TRPC4AP: variants seen among roughly 807,000 people sequenced by gnomAD.
The protein encoded by TRPC4AP is transient receptor potential cation channel subfamily C member 4 associated protein.
Under a neutral mutation model 99.0 loss-of-function variants are expected in TRPC4AP, and 45 were observed. That is an observed-to-expected ratio of 0.45 (90% CI 0.36 to 0.58). The LOEUF is 0.58. Among genes scored for constraint, TRPC4AP ranks in the 20% least tolerant of loss-of-function variants. The probability of loss-of-function intolerance (pLI) is 0.00; values close to 1 mark genes in which losing one functional copy is unlikely to be tolerated. For synonymous variants in TRPC4AP, 408 were observed against 385.8 expected (o/e 1.06, Z -0.67); for missense variants, 879 against 985.3 (o/e 0.89, Z 1.44).
At chr20:35,075,274 T>G (rs1269262224) in intron 2 of TRPC4AP, among the ~76,000 whole-genome samples, 1 of 152,220 alleles carries the variant, frequency 6.6e-6, no homozygotes, top group Non-Finnish European at 1.5e-5. Flanking sequence ...GTTAATTTTG[T>G]TATGTGTGAA....
chr20:35,023,673 G>T (rs1366844147), intron 8 of TRPC4AP, among the ~76,000 whole-genome samples: 1 of 152,216 alleles, frequency 6.6e-6, no homozygotes, highest in Non-Finnish European at 1.5e-5. Flanking sequence ...AAGTGAACCT[G>T]AAGAACTATC....
chr20:35,083,256 C>G lies in TRPC4AP; in HGVS notation c.169-5082G>C, dbSNP rs562908648. 7.0e-4 allele frequency among the ~76,000 whole-genome samples: 106 copies of G among 152,054 alleles called. 1 individual carries two copies. Among genetic ancestry groups the G allele is most frequent in the African/African-American group, 2.4e-3 (101 of 41,488 alleles). ...ACTTACAATACCACTTTTAAAAACG[C>G]TAAGGAATAAATCTAACAAAGTTAT... On this transcript the variant is annotated intron_variant, in intron 1 of 18. Transcript: ENST00000252015.
At chr20:35,087,348 A>G (rs1381708197) in intron 1 of TRPC4AP, among the ~76,000 whole-genome samples, 1 of 151,702 alleles carries the variant, frequency 6.6e-6, no homozygotes, top group Non-Finnish European at 1.5e-5. Context: ...CAAAAAAAAA[A>G]AAAAAGTCAG....
chr20:35,006,413 C>T (rs775047688), intron 15 of TRPC4AP, 22 bp downstream of exon 15: 1 of 1,612,532 alleles, frequency 6.2e-7, no homozygotes, highest in African/African-American at 1.3e-5. Flanking sequence ...GCACACTCCA[C>T]AGAGCCCTGG....
intron 3 of TRPC4AP, among the ~76,000 whole-genome samples, chr20:35,067,522 T>A (rs1179377260): frequency 6.6e-6 from 1 of 152,124 alleles, no homozygotes; most frequent in Non-Finnish European, 1.5e-5. Context: ...TAGGTATGTA[T>A]ATGCCTGAGA....
chr20:35,042,503 A>G (rs1188031444), intron 7 of TRPC4AP, among the ~76,000 whole-genome samples: 2 of 152,192 alleles, frequency 1.3e-5, no homozygotes, highest in African/African-American at 4.8e-5. Context: ...TCAGAGCATG[A>G]TTAGGGCTAC....
At chr20:35,080,365 G>A (rs2084602548) in intron 1 of TRPC4AP, among the ~76,000 whole-genome samples, 1 of 151,822 alleles carries the variant, frequency 6.6e-6, no homozygotes, top group South Asian at 2.1e-4. Flanking sequence ...GCCGGATGTA[G>A]TGGCACATGC....
chr20:35,041,102 G>C (rs116516921), intron 7 of TRPC4AP, among the ~76,000 whole-genome samples: 1 of 149,050 alleles, frequency 6.7e-6, no homozygotes, highest in Non-Finnish European at 1.5e-5. Flanking sequence ...ACAGCACCTT[G>C]ATCTTGGACT....
chr20:35,059,836 AAAG>A (rs1475369692), intron 3 of TRPC4AP, among the ~76,000 whole-genome samples: 13 of 151,754 alleles, frequency 8.6e-5, no homozygotes, highest in Non-Finnish European at 1.3e-4. Flanking sequence ...AGATGAAGAC[AAAG>A]AAGACGAAGA....
At position 35,066,037 on chromosome 20, in the gene TRPC4AP, C is replaced by T. The variant is rs551694535; in HGVS notation, c.414+3259G>A. ...GATGTCACACTCAATCTTTACTTTACTGGAAAATGGTAGCTTTAAACAAAA... is the reference window on the plus strand; with the variant it reads ...GATGTCACACTCAATCTTTACTTTATTGGAAAATGGTAGCTTTAAACAAAA... On this transcript the variant is annotated intron_variant, in intron 3 of 18. Coordinates refer to ENST00000252015, the MANE Select transcript of TRPC4AP (RefSeq NM_015638.3). Among the ~76,000 whole-genome samples the T allele has an allele frequency of 7.0e-4, 106 of 152,188 alleles. 1 individual carries two copies. Among genetic ancestry groups the T allele is most frequent in the African/African-American group, 2.4e-3 (101 of 41,524 alleles).
At chr20:35,018,582 G>A (rs1306421619) in intron 9 of TRPC4AP, among the ~76,000 whole-genome samples, 2 of 114,922 alleles carry the variant, frequency 1.7e-5, no homozygotes, top group East Asian at 2.8e-4. Flanking sequence ...CTGGGTGGCA[G>A]AGCAAGACTG....
At chr20:35,065,198 C>A (rs1447270642) in intron 3 of TRPC4AP, among the ~76,000 whole-genome samples, 1 of 152,200 alleles carries the variant, frequency 6.6e-6, no homozygotes, top group Non-Finnish European at 1.5e-5. Flanking sequence ...CCCACAATTA[C>A]TGAAAAGCTG....
intron 6 of TRPC4AP, among the ~76,000 whole-genome samples, chr20:35,048,009 T>A (rs2083599728): frequency 6.6e-6 from 1 of 152,150 alleles, no homozygotes; most frequent in East Asian, 1.9e-4. Flanking sequence ...GTGTTTCCAC[T>A]GATACACACA....
chr20:35,064,407 A>C (rs1348601577), intron 3 of TRPC4AP, among the ~76,000 whole-genome samples: 1 of 152,236 alleles, frequency 6.6e-6, no homozygotes, highest in African/African-American at 2.4e-5. Context: ...TGCTCATCTC[A>C]AACCAGCAAC....
chr20:35,084,617 T>C (rs990719271), intron 1 of TRPC4AP, among the ~76,000 whole-genome samples: 1 of 122,298 alleles, frequency 8.2e-6, no homozygotes, highest in Non-Finnish European at 1.7e-5. Flanking sequence ...TGTATATATG[T>C]TTATATGCAT....
At chr20:35,053,915 T>C (rs1238106978) in intron 5 of TRPC4AP, among the ~76,000 whole-genome samples, 3 of 152,220 alleles carry the variant, frequency 2.0e-5, no homozygotes, top group South Asian at 4.1e-4. Context: ...AGCACTATTA[T>C]AGATGCTGAA....
intron 12 of TRPC4AP, among the ~76,000 whole-genome samples, chr20:35,009,645 AAAAAC>A (rs1287193472): frequency 3.3e-5 from 5 of 152,342 alleles, no homozygotes; most frequent in African/African-American, 9.6e-5. Flanking sequence ...CTTGTGTCTA[AAAAAC>A]AAAACAAAAC....
chr20:35,089,345 G>A (rs1198625127), intron 1 of TRPC4AP, among the ~76,000 whole-genome samples: 1 of 151,746 alleles, frequency 6.6e-6, no homozygotes, highest in African/African-American at 2.4e-5. Flanking sequence ...TCCCACCTCG[G>A]GTTCCTGAGC....
At chr20:35,076,777 A>T (rs2084490608) in intron 2 of TRPC4AP, among the ~76,000 whole-genome samples, 1 of 151,874 alleles carries the variant, frequency 6.6e-6, no homozygotes, top group African/African-American at 2.4e-5. Flanking sequence ...GAGAACCACT[A>T]CTCTCTTCAA....
Sources: allele counts gnomAD v4.1 joint callset (sites outside exome capture counted in the v4.1 genomes callset), GRCh38; gene constraint gnomAD v4.1.1; transcripts MANE v1.5; gene names NCBI Gene and HGNC (gene_info 2026-07-23, HGNC 2026-07-21).